The following REPS2 variants were observed in gnomAD, a reference collection of about 807,000 sequenced individuals.
REPS2 encodes the protein RALBP1 associated Eps domain containing 2.
In REPS2, 23 loss-of-function variants were observed where a neutral mutation model predicts 53.6. The ratio of observed to expected loss-of-function variants is 0.43; its 90% CI spans 0.31 to 0.61. The LOEUF is 0.61. Ranked by LOEUF, REPS2 falls within the 20% of genes least tolerant of loss-of-function variation. The pLI is 0.11. For synonymous variants in REPS2, 238 were observed against 218.6 expected (o/e 1.09, Z -0.78); for missense variants, 446 against 534.9 (o/e 0.83, Z 1.64).
chrX:17,074,135 G>A lies in REPS2; in HGVS notation c.1355G>A (p.Ser452Asn). ...EDPATPKDSNSLKARPRSRSY... is the reference protein window; with the variant it reads ...EDPATPKDSNNLKARPRSRSY... Reference sequence around the variant, plus strand: ...TCAGCAACTCCCAAGGATTCCAACAGTCTCAAAGCAAGACCAAGATCCAGG... The same window carrying A: ...TCAGCAACTCCCAAGGATTCCAACAATCTCAAAGCAAGACCAAGATCCAGG... The change falls in exon 12 of 18, where the codon AGT (serine) becomes AAT (asparagine). Residue 452 changes from serine to asparagine, a missense_variant. Ser to Asn is a conservative substitution (Grantham distance 46). Coordinates refer to ENST00000357277, the MANE Select transcript of REPS2 (RefSeq NM_004726.3). 1 of 1,210,421 alleles carries A rather than the reference G, an allele frequency of 8.3e-7. No individual in the cohort carries two copies. The highest frequency in any genetic ancestry group is 1.1e-6 in the Non-Finnish European group (1 of 894,681).
intron 13 of REPS2, among the ~76,000 whole-genome samples, chrX:17,086,903 C>T (rs1236653844): frequency 1.8e-5 from 2 of 112,026 alleles, no homozygotes; most frequent in Non-Finnish European, 3.8e-5. Flanking sequence ...TTACTGGGTA[C>T]TTGGCACTTT....
chrX:17,174,016 T>G, the REPS2 span, among the ~76,000 whole-genome samples: 1 of 109,809 alleles, frequency 9.1e-6, no homozygotes, highest in Non-Finnish European at 1.9e-5. Context: ...AGGTCATATG[T>G]ACATATTAAG....
At chrX:16,974,393 C>T (rs1374264559) in intron 1 of REPS2, among the ~76,000 whole-genome samples, 2 of 111,151 alleles carry the variant, frequency 1.8e-5, no homozygotes, top group Non-Finnish European at 3.8e-5. Context: ...TGCCTACAAT[C>T]CTAGCACTTT....
chrX:17,029,548 C>T lies in REPS2; in HGVS notation c.696C>T (p.Pro232=). Residue 232 remains proline (P), a synonymous_variant, in exon 5 of 18, where the codon CCC becomes CCT. Transcript: ENST00000357277. The stretch of plus-strand genomic sequence containing the variant: ...CAGCACCTTATGAAGCTAGGCAGCC[C>T]CTTGTCCAGCCCGAGGGATCCTCAT... ...MHPAPYEARQ[P]LVQPEGSSSG... The T allele has an allele frequency of 8.3e-7, 1 of 1,209,806 alleles. No homozygotes were observed.
At chrX:17,178,248 C>T in the REPS2 span, among the ~76,000 whole-genome samples, 4 of 111,881 alleles carry the variant, frequency 3.6e-5, no homozygotes, top group African/African-American at 9.8e-5. Context: ...CACTTACCTC[C>T]GGGGCTTTGT....
chrX:17,138,180 T>C (rs943824270), intron 16 of REPS2: 1 of 112,516 alleles, frequency 8.9e-6, no homozygotes, highest in African/African-American at 3.2e-5. Flanking sequence ...ACAGACAGTT[T>C]TAAATGGAGA....
rs140341170 is a variant in REPS2, at chrX:17,113,700, A to T, written c.1578+9921A>T. Among the ~76,000 whole-genome samples the T allele has an allele frequency of 1.7e-3, 194 of 111,465 alleles. 6 individuals carry two copies. The East Asian group carries it at 0.043, about 25-fold the overall frequency. ...TTCAAAAGGCAAAGGAAATGGCCAT[A>T]GTGATAAGTGCAAGGAGAAGAGAGG... On this transcript the variant is annotated intron_variant, in intron 14 of 17. Transcript: ENST00000357277.
At chrX:17,028,560 C>A (rs1477389238) in intron 4 of REPS2, among the ~76,000 whole-genome samples, 2 of 111,359 alleles carry the variant, frequency 1.8e-5, no homozygotes, top group Non-Finnish European at 3.8e-5. Context: ...ACATTGTGTT[C>A]CAGTTACTAG....
chrX:17,105,120 C>A (rs1328229449), intron 14 of REPS2, among the ~76,000 whole-genome samples: 1 of 110,703 alleles, frequency 9.0e-6, no homozygotes, highest in Non-Finnish European at 1.9e-5. Context: ...GTAGAGCCAG[C>A]TCCCAAATTG....
the REPS2 span, among the ~76,000 whole-genome samples, chrX:17,171,501 A>G: frequency 1.8e-5 from 2 of 111,526 alleles, no homozygotes; most frequent in Non-Finnish European, 3.8e-5. Context: ...GATTCCTTCT[A>G]ATATCTGAAC....
intron 1 of REPS2, among the ~76,000 whole-genome samples, chrX:16,966,912 C>T (rs1439500175): frequency 8.9e-6 from 1 of 112,080 alleles, no homozygotes; most frequent in Admixed American, 9.5e-5. Context: ...GACTATTTCC[C>T]AAATGAGGCG....
At chrX:17,112,283 A>G (rs1277204291) in intron 14 of REPS2, among the ~76,000 whole-genome samples, 1 of 111,718 alleles carries the variant, frequency 9.0e-6, no homozygotes, top group Non-Finnish European at 1.9e-5. Flanking sequence ...AAAGGTTTAA[A>G]GAGGAAAGAG....
intron 13 of REPS2, among the ~76,000 whole-genome samples, chrX:17,093,166 CTATATATATATATATA>C (rs58530978): frequency 1.0e-4 from 4 of 39,105 alleles, no homozygotes; most frequent in Non-Finnish European, 1.4e-4. Context: ...TGAGTTAATG[CTATATATATATATATA>C]TATATATATA....
chrX:17,082,609 T>C (rs188612448), intron 13 of REPS2, among the ~76,000 whole-genome samples: 1 of 112,526 alleles, frequency 8.9e-6, no homozygotes, highest in African/African-American at 3.2e-5. Context: ...TAAGAGACTA[T>C]GGTACATCCA....
chrX:17,167,554 T>A, the REPS2 span, among the ~76,000 whole-genome samples: 5 of 108,323 alleles, frequency 4.6e-5, no homozygotes, highest in Non-Finnish European at 9.5e-5. Flanking sequence ...TTATGGTATG[T>A]ATGTGTGGTT....
intron 1 of REPS2, among the ~76,000 whole-genome samples, chrX:16,960,082 A>T (rs2060641154): frequency 8.9e-6 from 1 of 111,928 alleles, no homozygotes; most frequent in Admixed American, 9.5e-5. Flanking sequence ...GTAAAAAACA[A>T]GCCAGGTGTG....
chrX:16,948,091 T>G (rs1404805854), intron 1 of REPS2, among the ~76,000 whole-genome samples: 3 of 112,339 alleles, frequency 2.7e-5, no homozygotes, highest in African/African-American at 9.7e-5. Flanking sequence ...AGTATGAATG[T>G]TATTAACACC....
Position 17,069,964 on chromosome X carries a change from C to G in REPS2, c.1304C>G (p.Ala435Gly). ...KQALKSTINE[A>G]LPKDVSEDPA... ...GCTTTGAAAAGTACTATCAATGAAG[C>G]CTTACCAAAGGACGTGTCTGAGGAT... Residue 435 changes from alanine (A) to glycine (G), a missense_variant, in exon 11 of 18, where the codon GCC becomes GGC. Ala to Gly is a moderately conservative substitution (Grantham distance 60). Transcript: ENST00000357277. 1 of 1,141,898 alleles carries G rather than the reference C, an allele frequency of 8.8e-7. No homozygotes were observed. The highest frequency in any genetic ancestry group is 1.2e-6 in the Non-Finnish European group (1 of 856,522). The allele number at this position is 1,141,898 out of a possible 1,213,427, so 94.1% of individuals were successfully genotyped here. A position where few individuals can be genotyped will look rare whatever the true frequency, so the allele number is the denominator to read the frequency against.
At chrX:17,111,664 A>G (rs1249077023) in intron 14 of REPS2, among the ~76,000 whole-genome samples, 1 of 111,999 alleles carries the variant, frequency 8.9e-6, no homozygotes, top group Non-Finnish European at 1.9e-5. Flanking sequence ...ATGTAGTAAT[A>G]TGAATGTGTC....
Sources: allele counts gnomAD v4.1 joint callset (sites outside exome capture counted in the v4.1 genomes callset), GRCh38; gene constraint gnomAD v4.1.1; transcripts MANE v1.5; gene names NCBI Gene and HGNC (gene_info 2026-07-23, HGNC 2026-07-21).